Variants in UBE2E3 observed in about 807,000 individuals in gnomAD.
The protein encoded by UBE2E3 is ubiquitin conjugating enzyme E2 E3.
Under a neutral mutation model 23.6 loss-of-function variants are expected in UBE2E3, and 5 were observed. The ratio of observed to expected loss-of-function variants is 0.21; its 90% CI spans 0.11 to 0.44. UBE2E3 has a LOEUF of 0.44. UBE2E3 is among the 20% of genes least tolerant of loss of function. UBE2E3 has a pLI of 0.99. For missense variants in UBE2E3, 81 were observed against 249.8 expected (o/e 0.32, Z 4.55); for synonymous variants, 78 against 87.5 (o/e 0.89, Z 0.60).
chr2:180,986,833 T>G (rs1297984727), intron 3 of UBE2E3, among the ~76,000 whole-genome samples: 1 of 152,078 alleles, frequency 6.6e-6, no homozygotes, highest in African/African-American at 2.4e-5. Context: ...AAAAGTTGAA[T>G]GAAACACAAG....
At chr2:181,056,255 C>T (rs577933749) in intron 3 of UBE2E3, among the ~76,000 whole-genome samples, 74 of 151,708 alleles carry the variant, frequency 4.9e-4, no homozygotes, top group African/African-American at 1.6e-3. Flanking sequence ...TCTGTACATA[C>T]GTACAGGCAG....
intron 3 of UBE2E3, among the ~76,000 whole-genome samples, chr2:181,041,805 A>G (rs993515359): frequency 6.6e-6 from 1 of 152,198 alleles, no homozygotes; most frequent in African/African-American, 2.4e-5. Flanking sequence ...CACTAGGTGA[A>G]TTGAATGACA....
At chr2:181,060,014 C>T (rs977668054) in intron 4 of UBE2E3, among the ~76,000 whole-genome samples, 13 of 151,690 alleles carry the variant, frequency 8.6e-5, no homozygotes, top group Non-Finnish European at 1.9e-4. Context: ...TTTTCTCACA[C>T]ATTTCAGGGA....
intron 3 of UBE2E3, among the ~76,000 whole-genome samples, chr2:181,047,791 CT>C (rs963673773): frequency 1.3e-4 from 19 of 151,100 alleles, no homozygotes; most frequent in African/African-American, 4.7e-4. Context: ...ACAGAGCAGC[CT>C]GAGGAGGCCT....
chr2:181,028,720 C>A (rs919179663), intron 3 of UBE2E3, among the ~76,000 whole-genome samples: 2 of 151,606 alleles, frequency 1.3e-5, no homozygotes, highest in Non-Finnish European at 2.9e-5. Context: ...GTTATTTGTC[C>A]CCCTGCCCCC....
intron 3 of UBE2E3, among the ~76,000 whole-genome samples, chr2:181,019,046 C>T (rs976195871): frequency 9.9e-5 from 15 of 152,182 alleles, no homozygotes; most frequent in African/African-American, 3.1e-4. Flanking sequence ...TCACTGCAAC[C>T]TCTGCCTCCC....
At chr2:181,041,232 CTCAAAA>C (rs1336913679) in intron 3 of UBE2E3, among the ~76,000 whole-genome samples, 1 of 31,888 alleles carries the variant, frequency 3.1e-5, no homozygotes, top group Non-Finnish European at 5.8e-5. Context: ...AAGACTCCGT[CTCAAAA>C]AAAAAAAAAA....
chr2:181,028,086 A>G (rs1461172689), intron 3 of UBE2E3, among the ~76,000 whole-genome samples: 1 of 152,030 alleles, frequency 6.6e-6, no homozygotes, highest in Admixed American at 6.5e-5. Context: ...TTATAAAAAT[A>G]ATGGTTTCTG....
rs1684246043 is a variant in UBE2E3, at chr2:180,980,709, C to G, written c.-290C>G. 1 of 148,450 alleles carries G rather than the reference C, an allele frequency of 6.7e-6. No homozygotes were observed. Among genetic ancestry groups the G allele is most frequent in the Non-Finnish European group, 1.5e-5 (1 of 66,720 alleles). 9.2% of individuals were successfully genotyped at this position (148,450 alleles called of 1,614,324 possible). The stretch of plus-strand genomic sequence containing the variant: ...CGTCCCCTCCGCCTCGCCGGGAGCT[C>G]GCGCCCTCGCCCAGCCGAGCTCCCA... On this transcript the variant is annotated 5_prime_UTR_variant, in exon 1 of 6. Transcript: ENST00000410062. This position sits in a 1 kb window ranked among gnomAD's most constrained non-coding sequence, Gnocchi z 5.5.
intron 3 of UBE2E3, among the ~76,000 whole-genome samples, chr2:181,013,161 G>A (rs74538838): frequency 0.035 from 5,304 of 152,110 alleles, 108 homozygotes; most frequent in South Asian, 0.055. Flanking sequence ...TATGTTAATT[G>A]CAACAAAGGA....
rs1401773048 is a variant in UBE2E3 at position 180,980,722 on chromosome 2, A to AGG, written c.-276_-275insGG. The stretch of plus-strand genomic sequence containing the variant: ...TCGCCGGGAGCTCGCGCCCTCGCCC[A>AGG]GCCGAGCTCCCACCCCCGCTTTTTT... On this transcript the variant is annotated 5_prime_UTR_variant, in exon 1 of 6. Transcript: ENST00000410062. The surrounding 1 kb of genome is among the most constrained non-coding windows in gnomAD (Gnocchi z 5.5). The AGG allele has an allele frequency of 6.8e-6, 1 of 147,480 alleles. No individual in the cohort carries two copies. The highest frequency in any genetic ancestry group is 2.5e-5 in the African/African-American group (1 of 40,410). 9.1% of individuals were successfully genotyped at this position (147,480 alleles called of 1,614,324 possible). A position where few individuals can be genotyped will look rare whatever the true frequency, so the allele number is the denominator to read the frequency against.
chr2:181,061,622 A>G (rs1041129017), intron 5 of UBE2E3, among the ~76,000 whole-genome samples: 3 of 151,680 alleles, frequency 2.0e-5, no homozygotes, highest in Non-Finnish European at 3.0e-5. Flanking sequence ...ATTGAACTAG[A>G]TTATGATTAT....
rs140461147 is a variant in UBE2E3 at position 181,052,071 on chromosome 2, G to A, written c.246-5622G>A. Among the ~76,000 whole-genome samples, 453 of 151,968 alleles carry A rather than the reference G, an allele frequency of 3.0e-3. 1 individual carries two copies. The highest frequency in any genetic ancestry group is 0.01 in the African/African-American group (431 of 41,510). ...TTAATTATGACTGAATCATTGTGAA[G>A]TGTCTCCTTTTATTAGCCATATTAT... On this transcript the variant is annotated intron_variant, in intron 3 of 5. Transcript: ENST00000410062.
intron 3 of UBE2E3, among the ~76,000 whole-genome samples, chr2:181,030,678 A>G (rs997498780): frequency 2.0e-5 from 3 of 152,124 alleles, no homozygotes; most frequent in Non-Finnish European, 4.4e-5. Context: ...CTGTAAAACT[A>G]TGTGGACCTG....
intron 3 of UBE2E3, among the ~76,000 whole-genome samples, chr2:181,034,545 G>T (rs1686203088): frequency 6.6e-6 from 1 of 152,170 alleles, no homozygotes; most frequent in African/African-American, 2.4e-5. Flanking sequence ...GGGGAGCGGG[G>T]AGAGATAGCA....
intron 3 of UBE2E3, among the ~76,000 whole-genome samples, chr2:181,033,520 A>C (rs1686157377): frequency 6.6e-6 from 1 of 152,018 alleles, no homozygotes; most frequent in Admixed American, 6.6e-5. Context: ...ACCTTATACA[A>C]AAATTAATTC....
chr2:181,056,122 A>G (rs1686982063), intron 3 of UBE2E3, among the ~76,000 whole-genome samples: 1 of 151,280 alleles, frequency 6.6e-6, no homozygotes, highest in Admixed American at 6.6e-5. Context: ...TTGCAAGGAT[A>G]TAGGAGTCAT....
Position 180,982,121 on chromosome 2 carries a change from C to A in UBE2E3, c.79C>A (p.Pro27Thr), listed in dbSNP as rs199721038. 6.2e-7 allele frequency: 1 copy of A among 1,613,340 alleles called. No homozygotes were observed. The highest frequency in any genetic ancestry group is 2.2e-5 in the East Asian group (1 of 44,882). The change falls in exon 2 of 6, where the codon CCA (proline) becomes ACA (threonine). Residue 27 changes from proline to threonine, a missense_variant. By Grantham distance (38) the Pro-to-Thr change is conservative (BLOSUM62 -1). Coordinates refer to ENST00000410062, the MANE Select transcript of UBE2E3 (RefSeq NM_006357.4). ...CAGTTCAGATGCGGACCAGCGAGACCCAGCCGCTCCAGAGCCTGAAGAACA... is the reference window on the plus strand; with the variant it reads ...CAGTTCAGATGCGGACCAGCGAGACACAGCCGCTCCAGAGCCTGAAGAACA... ...SGSSDADQRD[P>T]AAPEPEEQEE...
intron 3 of UBE2E3, among the ~76,000 whole-genome samples, chr2:181,007,795 T>C (rs1685198822): frequency 1.3e-5 from 2 of 152,230 alleles, no homozygotes; most frequent in Admixed American, 6.5e-5. Context: ...AAGGGCTTGA[T>C]ATCTGCCACA....
Sources: allele counts gnomAD v4.1 joint callset (sites outside exome capture counted in the v4.1 genomes callset), GRCh38; gene constraint gnomAD v4.1.1; non-coding constraint Gnocchi (gnomAD v3.1); transcripts MANE v1.5; gene names NCBI Gene and HGNC (gene_info 2026-07-23, HGNC 2026-07-21).